The following AFF3 variants were observed in gnomAD, a reference collection of about 807,000 sequenced individuals.
The protein encoded by AFF3 is AF4/FMR2 family member 3.
In AFF3, 32 loss-of-function variants were observed where a neutral mutation model predicts 129.7. That is an observed-to-expected ratio of 0.25 (90% confidence interval 0.19 to 0.33). AFF3 has a LOEUF of 0.33. Ranked by LOEUF, AFF3 falls within the 10% of genes least tolerant of loss-of-function variation. AFF3 has a pLI of 1.00. For missense variants in AFF3, 1,373 were observed against 1,592.0 expected (o/e 0.86, Z 2.34); for synonymous variants, 644 against 635.4 (o/e 1.01, Z -0.20).
chr2:100,105,178 G>T, intron 3 of AFF3: 2 of 440,808 alleles, frequency 4.5e-6, no homozygotes, highest in Non-Finnish European at 6.2e-6. Context: ...GCCCGGCCTT[G>T]CCCGGGCTGC....
intron 7 of AFF3, among the ~76,000 whole-genome samples, chr2:100,000,093 T>C (rs1222762859): frequency 6.6e-6 from 1 of 152,200 alleles, no homozygotes; most frequent in Non-Finnish European, 1.5e-5. Context: ...GTTAATCATG[T>C]GGAGATAAGT....
At chr2:100,099,469 T>C (rs1246881189) in intron 4 of AFF3, among the ~76,000 whole-genome samples, 2 of 152,088 alleles carry the variant, frequency 1.3e-5, no homozygotes, top group African/African-American at 4.8e-5. Flanking sequence ...CTGCCTGTGT[T>C]AGCCTACCTT....
chr2:99,929,874 G>C (rs1696544474), intron 7 of AFF3, among the ~76,000 whole-genome samples: 1 of 150,952 alleles, frequency 6.6e-6, no homozygotes, highest in South Asian at 2.1e-4. Flanking sequence ...TTCAGTGAAA[G>C]AGAACTGGGG....
intron 8 of AFF3, among the ~76,000 whole-genome samples, chr2:99,767,013 A>G (rs1486529480): frequency 2.0e-5 from 3 of 152,226 alleles, no homozygotes; most frequent in Non-Finnish European, 2.9e-5. Flanking sequence ...CAACACAGAC[A>G]CAGTTCCCTG....
At chr2:99,804,037 A>C (rs187541004) in intron 8 of AFF3, among the ~76,000 whole-genome samples, 255 of 152,178 alleles carry the variant, frequency 1.7e-3, no homozygotes, top group Non-Finnish European at 3.1e-3. Flanking sequence ...AGAATTTATG[A>C]CTAAGAACCC....
chr2:100,010,834 A>G (rs928470109), intron 4 of AFF3, among the ~76,000 whole-genome samples: 1 of 152,194 alleles, frequency 6.6e-6, no homozygotes, highest in Non-Finnish European at 1.5e-5. Context: ...GGCTTTCAGG[A>G]ACATTCCATG....
intron 4 of AFF3, among the ~76,000 whole-genome samples, chr2:100,047,103 C>T (rs13416841): frequency 0.021 from 3,146 of 152,264 alleles, 119 homozygotes; most frequent in African/African-American, 0.072. Context: ...AAATGCTAAG[C>T]TCAGTTTCTT....
intron 14 of AFF3, among the ~76,000 whole-genome samples, chr2:99,597,133 G>A (rs1679365391): frequency 6.6e-6 from 1 of 152,190 alleles, no homozygotes; most frequent in Admixed American, 6.5e-5. Context: ...GAGCTGCACA[G>A]CTACCGGGCT....
At chr2:99,790,555 G>A (rs1685122530) in intron 8 of AFF3, among the ~76,000 whole-genome samples, 1 of 152,146 alleles carries the variant, frequency 6.6e-6, no homozygotes. Flanking sequence ...CCATTAAGTA[G>A]CAACTGAATT....
intron 4 of AFF3, among the ~76,000 whole-genome samples, chr2:100,023,821 C>T (rs1028308147): frequency 6.6e-6 from 1 of 152,222 alleles, no homozygotes; most frequent in African/African-American, 2.4e-5. Flanking sequence ...AACATAGCCA[C>T]CATTCAGAAA....
chr2:99,686,771 A>T (rs1371717962), intron 11 of AFF3, among the ~76,000 whole-genome samples: 3 of 152,192 alleles, frequency 2.0e-5, no homozygotes, highest in African/African-American at 7.2e-5. Flanking sequence ...GGCATTCCTG[A>T]CTGAGAACCC....
intron 7 of AFF3, among the ~76,000 whole-genome samples, chr2:100,001,552 C>G (rs1019633946): frequency 6.6e-6 from 1 of 152,200 alleles, no homozygotes; most frequent in Non-Finnish European, 1.5e-5. Context: ...CCTCAGCCTC[C>G]TGAGTAGCTG....
At chr2:99,817,748 A>G (rs914572562) in intron 8 of AFF3, among the ~76,000 whole-genome samples, 1 of 152,178 alleles carries the variant, frequency 6.6e-6, no homozygotes, top group Non-Finnish European at 1.5e-5. Context: ...GAGCTAAACA[A>G]CTAGCCTGGG....
chr2:99,882,232 T>C (rs1212801708), intron 7 of AFF3, among the ~76,000 whole-genome samples: 2 of 152,202 alleles, frequency 1.3e-5, no homozygotes, highest in Non-Finnish European at 2.9e-5. Flanking sequence ...GTAACTGCAC[T>C]GTTGAGGTTT....
intron 16 of AFF3, among the ~76,000 whole-genome samples, chr2:99,584,713 T>C (rs1249594802): frequency 2.0e-5 from 3 of 152,184 alleles, no homozygotes; most frequent in Non-Finnish European, 1.5e-5. Flanking sequence ...TGAAATAAAC[T>C]CAGTCATCAC....
chr2:99,900,405 T>C (rs1191752313), intron 7 of AFF3, among the ~76,000 whole-genome samples: 1 of 152,178 alleles, frequency 6.6e-6, no homozygotes, highest in East Asian at 1.9e-4. Flanking sequence ...TCCAAATATG[T>C]AGCTCTAAGA....
At chr2:100,057,500 C>T (rs1335624822) in intron 4 of AFF3, among the ~76,000 whole-genome samples, 1 of 152,134 alleles carries the variant, frequency 6.6e-6, no homozygotes, top group Non-Finnish European at 1.5e-5. Flanking sequence ...AGCATTTACA[C>T]ATATCACATG....
At chr2:99,867,589 A>AAAC (rs1553469152) in intron 7 of AFF3, among the ~76,000 whole-genome samples, 2 of 151,476 alleles carry the variant, frequency 1.3e-5, no homozygotes, top group African/African-American at 4.9e-5. Context: ...AAAAAAAAAA[A>AAAC]AAAACATAGC....
At chr2:99,998,867 A>T (rs983479866) in intron 7 of AFF3, among the ~76,000 whole-genome samples, 2 of 152,198 alleles carry the variant, frequency 1.3e-5, no homozygotes, top group African/African-American at 4.8e-5. Flanking sequence ...CATGGGGCCA[A>T]TGGGTGTTTC....
Sources: gnomAD v4.1 joint callset for allele counts (sites outside exome capture counted in the v4.1 genomes callset) on GRCh38, gnomAD v4.1.1 for gene constraint, MANE v1.5 for transcripts, NCBI Gene and HGNC (gene_info 2026-07-23, HGNC 2026-07-21) for gene names.